Variants in JAG1 observed in about 807,000 individuals in gnomAD.
The protein encoded by JAG1 is jagged canonical Notch ligand 1.
Under a neutral mutation model 148.7 loss-of-function variants are expected in JAG1, and 23 were observed. The observed-to-expected ratio is 0.15, with a 90% CI of 0.11 to 0.22. The LOEUF (loss-of-function observed/expected upper bound fraction) is 0.22, where lower values mean the gene tolerates loss of function less well. Among genes scored for constraint, JAG1 ranks in the 10% least tolerant of loss-of-function variants. JAG1 has a pLI of 1.00. For synonymous variants in JAG1, 572 were observed against 598.3 expected (o/e 0.96, Z 0.64); for missense variants, 1,054 against 1,611.2 (o/e 0.65, Z 5.92).
In JAG1 at chr20:10,639,266, G is replaced by C; in HGVS notation, c.*232C>G. The C allele has an allele frequency of 1.7e-6, 1 of 582,480 alleles. No individual in the cohort carries two copies. Among genetic ancestry groups the C allele is most frequent in the South Asian group, 1.8e-5 (1 of 54,530 alleles). 36.1% of individuals were successfully genotyped at this position (582,480 alleles called of 1,614,324 possible). ...ATCCGAGACCGTGTCGGCTGCAAGG[G>C]GACACACAACCAGGGTACTGTTGAC... On this transcript the variant is annotated 3_prime_UTR_variant, in exon 26 of 26. Transcript: ENST00000254958.
chr20:10,648,000 G>A lies in JAG1; in HGVS notation c.1680C>T (p.Cys560=), dbSNP rs886041868. ...KCPEDYEGKN[C]SHLKDHCRTT... ...TGCGGCAGTGGTCTTTCAGGTGTGA[G>A]CAGTTCTTGCCCTCATAGTCCTCGG... Residue 560 remains cysteine (C), a synonymous_variant, in exon 13 of 26, where the codon TGC becomes TGT. Transcript: ENST00000254958. 3.7e-6 allele frequency: 6 copies of A among 1,614,098 alleles called. No individual in the cohort carries two copies. Among genetic ancestry groups the A allele is most frequent in the Non-Finnish European group, 5.1e-6 (6 of 1,180,054 alleles).
chr20:10,673,570 T>C lies in JAG1; in HGVS notation c.-40A>G, dbSNP rs1311791250. ...CCGCGGGCACTCGGGACGCCGCCGC[T>C]GCTGTTCGCGCTGGTGCTGCCGCCG... On this transcript the variant is annotated 5_prime_UTR_variant, in exon 1 of 26. Coordinates refer to ENST00000254958, the MANE Select transcript of JAG1 (RefSeq NM_000214.3). This position sits in a 1 kb window ranked among gnomAD's most constrained non-coding sequence, Gnocchi z 4.7. 5 of 1,165,734 alleles carry C rather than the reference T, an allele frequency of 4.3e-6. No individual in the cohort carries two copies. The African/African-American group carries it at 4.8e-5, about 11-fold the overall frequency. The allele number at this position is 1,165,734 out of a possible 1,614,324, so 72.2% of individuals were successfully genotyped here. A position where few individuals can be genotyped will look rare whatever the true frequency, so the allele number is the denominator to read the frequency against.
At chr20:10,660,222 G>A (rs536627363) in intron 3 of JAG1, among the ~76,000 whole-genome samples, 9 of 152,296 alleles carry the variant, frequency 5.9e-5, no homozygotes, top group Admixed American at 1.3e-4. Context: ...CCCAGCGTTC[G>A]CCCTCTAGGG....
At position 10,663,954 on chromosome 20, in the gene JAG1, G is replaced by T; in HGVS notation, c.439+9C>A. 6.2e-7 allele frequency: 1 copy of T among 1,611,456 alleles called. No homozygotes were observed. The highest frequency in any genetic ancestry group is 8.5e-7 in the Non-Finnish European group (1 of 1,177,610). On this transcript the variant is annotated intron_variant, in intron 3 of 25. Transcript: ENST00000254958. ...TGTTTAGAGAAAAGTCCACAGAAGC[G>T]ATACTTACGAACGGTGTCATTACTG...
At chr20:10,644,475 C>G in intron 18 of JAG1, 91 bp from the exon 19 acceptor site, 2 of 1,018,706 alleles carry the variant, frequency 2.0e-6, no homozygotes, top group East Asian at 2.4e-5. Context: ...TCCTAATACC[C>G]AAATGATAAA....
intron 4 of JAG1, among the ~76,000 whole-genome samples, chr20:10,657,365 A>AAAAC (rs34406356): frequency 6.6e-6 from 1 of 150,886 alleles, no homozygotes; most frequent in Non-Finnish European, 1.5e-5. Context: ...AAAAAAAAAA[A>AAAAC]CACCAAACAA....
At chr20:10,664,145 T>C in intron 2 of JAG1, 131 bp from the exon 3 acceptor site, 1 of 760,324 alleles carries the variant, frequency 1.3e-6, no homozygotes, top group Non-Finnish European at 2.4e-6. Flanking sequence ...TGTTGGTTGT[T>C]GCATTGAGTT....
At chr20:10,672,011 T>G (rs1338415158) in intron 2 of JAG1, among the ~76,000 whole-genome samples, 1 of 150,354 alleles carries the variant, frequency 6.7e-6, no homozygotes, top group African/African-American at 2.5e-5. Context: ...CGGGAACCGC[T>G]GGAAGTGAGG....
chr20:10,641,072 T>G (rs201241506), intron 24 of JAG1, 41 bp downstream of exon 24: 48 of 1,613,914 alleles, frequency 3.0e-5, no homozygotes, highest in Admixed American at 2.0e-4. Flanking sequence ...CCGAACTGCC[T>G]TGCCATCGAA....
intron 21 of JAG1, among the ~76,000 whole-genome samples, 181 bp from the exon 22 acceptor site, chr20:10,642,073 G>A (rs1332640676): frequency 6.6e-6 from 1 of 152,144 alleles, no homozygotes; most frequent in Non-Finnish European, 1.5e-5. Flanking sequence ...CACAAGACTT[G>A]CTCTGGCCAA....
At chr20:10,661,160 G>A (rs953468034) in intron 3 of JAG1, among the ~76,000 whole-genome samples, 2 of 152,168 alleles carry the variant, frequency 1.3e-5, no homozygotes, top group African/African-American at 2.4e-5. Flanking sequence ...GATGACAGAA[G>A]GACCAGCCTT....
At position 10,644,394 on chromosome 20, in the gene JAG1, A is replaced by G; in HGVS notation, c.2345-10T>C. ...CTGCAGTCATTGGTATCTGCAAAGAAAAGACAACTTAATAGTGAGGACTTC... is the reference window on the plus strand; with the variant it reads ...CTGCAGTCATTGGTATCTGCAAAGAGAAGACAACTTAATAGTGAGGACTTC... On this transcript the variant is annotated splice_polypyrimidine_tract_variant and intron_variant, in intron 18 of 25. Transcript: ENST00000254958. The G allele has an allele frequency of 1.9e-6, 3 of 1,612,310 alleles. No homozygotes were observed. The highest frequency in any genetic ancestry group is 1.7e-6 in the Non-Finnish European group (2 of 1,178,546).
chr20:10,644,342 G>A lies in JAG1; in HGVS notation c.2372+15C>T, dbSNP rs748962378. On this transcript the variant is annotated intron_variant, in intron 19 of 25. Transcript: ENST00000254958. ...ATAGTGGATGAGTGCTGGCTTAAAA[G>A]GATGTCACACTTACCAGGGATGAGG... 6.2e-7 allele frequency: 1 copy of A among 1,601,522 alleles called. No homozygotes were observed. Among genetic ancestry groups the A allele is most frequent in the Non-Finnish European group, 8.5e-7 (1 of 1,169,680 alleles).
At position 10,656,471 on chromosome 20, in the gene JAG1, G is replaced by A. The variant is rs1424312248; in HGVS notation, c.695-13C>T. On this transcript the variant is annotated splice_polypyrimidine_tract_variant and intron_variant, in intron 4 of 25. Transcript: ENST00000254958. ...TGTCGGCAAATAGCTGTAAAAAACAGAGAAGGGCGTGTCAGCACACTGCCT... is the reference window on the plus strand; with the variant it reads ...TGTCGGCAAATAGCTGTAAAAAACAAAGAAGGGCGTGTCAGCACACTGCCT... 3 of 1,613,064 alleles carry A rather than the reference G, an allele frequency of 1.9e-6. No individual in the cohort carries two copies. The highest frequency in any genetic ancestry group is 1.7e-6 in the Non-Finnish European group (2 of 1,179,212).
rs1481263520 is a variant in JAG1 at position 10,656,820 on chromosome 20, T to TAG, written c.695-364_695-363dup. ...CTTTTCATTAGAAGAAAAAAAGGTA[T>TAG]AGATAATCCTTCCCCATCCCACCAG... is the stretch of plus-strand genomic sequence containing the variant. On this transcript the variant is annotated intron_variant, in intron 4 of 25. Transcript: ENST00000254958. Among the ~76,000 whole-genome samples, 9 of 145,002 alleles carry TAG rather than the reference T, an allele frequency of 6.2e-5. No homozygotes were observed. The East Asian group carries it at 1.8e-3, about 29-fold the overall frequency.
intron 11 of JAG1, 167 bp from the exon 12 acceptor site, chr20:10,648,889 C>CA: frequency 1.1e-6 from 1 of 876,380 alleles, no homozygotes; most frequent in Admixed American, 2.1e-5. Context: ...TGCATGCCTT[C>CA]AAAATGACTC....
chr20:10,654,290 T>C (rs566048341), intron 5 of JAG1, among the ~76,000 whole-genome samples: 1 of 152,228 alleles, frequency 6.6e-6, no homozygotes, highest in East Asian at 1.9e-4. Flanking sequence ...CAAGAGGCCA[T>C]GGATGACTTC....
rs1295720153 is a variant in JAG1 at position 10,642,590 on chromosome 20, A to C, written c.2470T>G (p.Cys824Gly). Reference protein sequence around the residue: ...GPDCRININECQSSPCAFGAT... With the variant: ...GPDCRININEGQSSPCAFGAT... ...CCAAAGGCACAAGGTGAAGACTGGC[A>C]TTCATTGATGTCTAGGAGAAATGGA... Residue 824 changes from cysteine (C) to glycine (G), a missense_variant, in exon 21 of 26, where the codon TGC (cysteine) becomes GGC (glycine). By Grantham distance (159) the Cys-to-Gly change is radical. Transcript: ENST00000254958. 1.9e-6 allele frequency: 3 copies of C among 1,606,464 alleles called. No individual in the cohort carries two copies. The highest frequency in any genetic ancestry group is 2.6e-6 in the Non-Finnish European group (3 of 1,173,044).
At chr20:10,640,633 T>TA (rs1444354317) in intron 25 of JAG1, 150 bp downstream of exon 25, 6 of 784,158 alleles carry the variant, frequency 7.7e-6, no homozygotes, top group East Asian at 2.5e-5. Context: ...GTGACCTTAG[T>TA]AAAGTAGGCT....
Sources: allele counts gnomAD v4.1 joint callset (sites outside exome capture counted in the v4.1 genomes callset), GRCh38; gene constraint gnomAD v4.1.1; non-coding constraint Gnocchi (gnomAD v3.1); transcripts MANE v1.5; gene names NCBI Gene and HGNC (gene_info 2026-07-23, HGNC 2026-07-21).